The following CNTN5 variants were observed in gnomAD, a reference collection of about 807,000 sequenced individuals.
CNTN5 encodes contactin-5.
In CNTN5, 77 loss-of-function variants were observed where a neutral mutation model predicts 129.1. The observed-to-expected ratio is 0.60, with a 90% CI of 0.50 to 0.72. CNTN5 has a LOEUF of 0.72. CNTN5 is among the 30% of genes least tolerant of loss of function. The probability of loss-of-function intolerance (pLI) is 0.00; values close to 1 mark genes in which losing one functional copy is unlikely to be tolerated. For synonymous variants in CNTN5, 509 were observed against 465.6 expected (o/e 1.09, Z -1.20); for missense variants, 1,478 against 1,328.8 (o/e 1.11, Z -1.75).
intron 1 of CNTN5, among the ~76,000 whole-genome samples, chr11:99,179,268 C>T (rs887360124): frequency 1.3e-5 from 2 of 151,884 alleles, no homozygotes; most frequent in Non-Finnish European, 2.9e-5. Context: ...ATGGTGAAAC[C>T]CCATCTCTAC....
At chr11:99,489,673 G>T (rs1945958598) in intron 2 of CNTN5, among the ~76,000 whole-genome samples, 1 of 152,144 alleles carries the variant, frequency 6.6e-6, no homozygotes, top group Non-Finnish European at 1.5e-5. Context: ...TAATATTTAT[G>T]AATTGTGAAG....
At chr11:99,047,913 T>A (rs1864277342) in intron 1 of CNTN5, among the ~76,000 whole-genome samples, 1 of 152,102 alleles carries the variant, frequency 6.6e-6, no homozygotes, top group Non-Finnish European at 1.5e-5. Flanking sequence ...GACTTTTACA[T>A]GATTTGTGCA....
intron 3 of CNTN5, among the ~76,000 whole-genome samples, chr11:99,596,782 G>T (rs1305847607): frequency 6.6e-6 from 1 of 152,044 alleles, no homozygotes; most frequent in African/African-American, 2.4e-5. Flanking sequence ...CTGTTTGCCA[G>T]GCTATAAAAC....
At chr11:99,234,322 AAT>A (rs765778874) in intron 1 of CNTN5, among the ~76,000 whole-genome samples, 2 of 152,120 alleles carry the variant, frequency 1.3e-5, no homozygotes, top group Non-Finnish European at 1.5e-5. Flanking sequence ...AAAGAGAGGG[AAT>A]ATGTTTAAAA....
intron 2 of CNTN5, among the ~76,000 whole-genome samples, chr11:99,486,583 T>C (rs559824729): frequency 1.3e-5 from 2 of 152,182 alleles, no homozygotes; most frequent in Non-Finnish European, 2.9e-5. Flanking sequence ...AAGTGATGAT[T>C]ATTTTTCAGT....
At chr11:99,193,607 G>A (rs1353742935) in intron 1 of CNTN5, among the ~76,000 whole-genome samples, 2 of 152,096 alleles carry the variant, frequency 1.3e-5, no homozygotes, top group Non-Finnish European at 2.9e-5. Context: ...TGATAAAAGA[G>A]CCATAATTTA....
At chr11:100,247,655 A>G (rs1353809592) in intron 16 of CNTN5, among the ~76,000 whole-genome samples, 2 of 152,180 alleles carry the variant, frequency 1.3e-5, no homozygotes, top group African/African-American at 2.4e-5. Context: ...TATTCTATCA[A>G]TAATACCATA....
intron 2 of CNTN5, among the ~76,000 whole-genome samples, chr11:99,444,538 C>T (rs917664921): frequency 6.6e-6 from 1 of 152,180 alleles, no homozygotes; most frequent in African/African-American, 2.4e-5. Flanking sequence ...CAATGATTAT[C>T]TATCCTTTAT....
In CNTN5 at chr11:100,071,717, A is replaced by G. The variant is rs183599013; in HGVS notation, c.1312A>G (p.Met438Val). The G allele has an allele frequency of 5.3e-5, 84 of 1,584,670 alleles. No homozygotes were observed. Among genetic ancestry groups the G allele is most frequent in the Non-Finnish European group, 7.0e-5 (81 of 1,164,914 alleles). ...AATTCCATTACAGAGTAGGGTTGAG[A>G]TGGTTAATGGAGTATTGATGATCCA... ...VPLSPQSRVE[M>V]VNGVLMIHNV... Residue 438 changes from methionine to valine, a missense_variant, in exon 12 of 25, where the codon ATG (methionine) becomes GTG (valine). Met to Val is a conservative substitution (Grantham distance 21, BLOSUM62 1). Transcript: ENST00000524871.
chr11:99,625,330 A>G (rs1269951276), intron 3 of CNTN5, among the ~76,000 whole-genome samples: 2 of 152,174 alleles, frequency 1.3e-5, no homozygotes, highest in Admixed American at 6.5e-5. Flanking sequence ...CCTCAAAGCA[A>G]TTGTGTTTCA....
intron 16 of CNTN5, among the ~76,000 whole-genome samples, chr11:100,234,792 T>TAAAAAAAAAAAAAAAAAAAAAA (rs781363668): frequency 9.8e-6 from 1 of 102,066 alleles, no homozygotes; most frequent in Non-Finnish European, 1.9e-5. Flanking sequence ...TCCCAGAATT[T>TAAAAAAAAAAAAAAAAAAAAAA]AAAAAAAAAA....
At chr11:99,338,023 T>G (rs1025466125) in intron 2 of CNTN5, among the ~76,000 whole-genome samples, 4 of 152,190 alleles carry the variant, frequency 2.6e-5, no homozygotes, top group African/African-American at 9.6e-5. Context: ...ATTCATAAAC[T>G]TATTTGTAAA....
At chr11:99,622,846 AG>A (rs66591553) in intron 3 of CNTN5, among the ~76,000 whole-genome samples, 3 of 151,478 alleles carry the variant, frequency 2.0e-5, no homozygotes, top group African/African-American at 2.4e-5. Flanking sequence ...TGAAAAAAAA[AG>A]TGCCAAGTGA....
chr11:100,233,263 A>T (rs901760906), intron 16 of CNTN5, among the ~76,000 whole-genome samples: 1 of 152,210 alleles, frequency 6.6e-6, no homozygotes, highest in Non-Finnish European at 1.5e-5. Context: ...AAGGAAAAAG[A>T]GAGAGGTAGG....
At chr11:99,194,007 G>A (rs139466443) in intron 1 of CNTN5, among the ~76,000 whole-genome samples, 142 of 152,182 alleles carry the variant, frequency 9.3e-4, no homozygotes, top group African/African-American at 3.1e-3. Flanking sequence ...AATCAATAAC[G>A]TAATAAAAAG....
chr11:99,463,452 A>AAAC (rs1591103483), intron 2 of CNTN5, among the ~76,000 whole-genome samples: 1 of 150,726 alleles, frequency 6.6e-6, no homozygotes, highest in African/African-American at 2.4e-5. Context: ...AGAAAAAAAA[A>AAAC]AAAAAAACAA....
intron 12 of CNTN5, among the ~76,000 whole-genome samples, 170 bp from the exon 13 acceptor site, chr11:100,073,974 T>G (rs1315899331): frequency 6.6e-6 from 1 of 152,192 alleles, no homozygotes; most frequent in South Asian, 2.1e-4. Context: ...AAGGTACATA[T>G]TAATTAATAA....
At chr11:100,101,033 A>T (rs1195563204) in intron 13 of CNTN5, among the ~76,000 whole-genome samples, 6 of 152,144 alleles carry the variant, frequency 3.9e-5, no homozygotes, top group African/African-American at 1.4e-4. Flanking sequence ...GTCTTGGTTT[A>T]GCAGAAGAAA....
At chr11:100,034,506 C>T (rs934378727) in intron 9 of CNTN5, among the ~76,000 whole-genome samples, 21 of 152,320 alleles carry the variant, frequency 1.4e-4, no homozygotes, top group African/African-American at 4.8e-4. Context: ...CCTTTTACTT[C>T]GTATTCCTAC....
Sources: gnomAD v4.1 joint callset for allele counts (sites outside exome capture counted in the v4.1 genomes callset) on GRCh38, gnomAD v4.1.1 for gene constraint, MANE v1.5 for transcripts, NCBI Gene and HGNC (gene_info 2026-07-23, HGNC 2026-07-21) for gene names.